The following ARHGAP6 variants were observed in gnomAD, a reference collection of about 807,000 sequenced individuals.
ARHGAP6 encodes rho GTPase-activating protein 6.
In ARHGAP6, 16 loss-of-function variants were observed where a neutral mutation model predicts 55.7. The ratio of observed to expected loss-of-function variants is 0.29; its 90% confidence interval spans 0.19 to 0.44. ARHGAP6 has a LOEUF of 0.44. ARHGAP6 is among the 20% of genes least tolerant of loss of function. The probability of loss-of-function intolerance (pLI) is 1.00; values close to 1 mark genes in which losing one functional copy is unlikely to be tolerated. For synonymous variants in ARHGAP6, 382 were observed against 360.9 expected (o/e 1.06, Z -0.66); for missense variants, 698 against 808.9 (o/e 0.86, Z 1.66).
intron 1 of ARHGAP6, among the ~76,000 whole-genome samples, chrX:11,336,449 A>G (rs2048638670): frequency 9.0e-6 from 1 of 111,716 alleles, no homozygotes; most frequent in Non-Finnish European, 1.9e-5. Context: ...ACTGAGCATG[A>G]AGGATAATAA....
chrX:11,254,717 A>C lies in ARHGAP6; in HGVS notation c.589-10T>G, dbSNP rs2047470007. 5 of 106,378 alleles carry C rather than the reference A, an allele frequency of 4.7e-5. No individual in the cohort carries two copies. Among genetic ancestry groups the C allele is most frequent in the South Asian group, 3.3e-4 (1 of 3,052 alleles). The allele number at this position is 106,378 out of a possible 1,213,427, so 8.8% of individuals were successfully genotyped here. Reference sequence around the variant, plus strand: ...TCCAGGTGAAATCACCCTGTAGGCCAAAAAAAAAAAAAAAAAAAAAATCAA... The same window carrying C: ...TCCAGGTGAAATCACCCTGTAGGCCCAAAAAAAAAAAAAAAAAAAAATCAA... On this transcript the variant is annotated splice_polypyrimidine_tract_variant and intron_variant, in intron 1 of 12. Coordinates refer to ENST00000337414, the MANE Select transcript of ARHGAP6 (RefSeq NM_013427.3).
intron 1 of ARHGAP6, among the ~76,000 whole-genome samples, chrX:11,651,025 T>C (rs189373147): frequency 8.9e-6 from 1 of 112,468 alleles, no homozygotes; most frequent in Non-Finnish European, 1.9e-5. Context: ...CACTCTGATA[T>C]GATATGAAAA....
At chrX:11,160,178 G>A (rs1047187339) in intron 9 of ARHGAP6, among the ~76,000 whole-genome samples, 1 of 110,179 alleles carries the variant, frequency 9.1e-6, no homozygotes, top group Non-Finnish European at 1.9e-5. Flanking sequence ...GGCTGGGTGC[G>A]GTGGCTCACG....
At chrX:11,378,747 G>C (rs1405050995) in intron 1 of ARHGAP6, among the ~76,000 whole-genome samples, 1 of 112,402 alleles carries the variant, frequency 8.9e-6, no homozygotes, top group Non-Finnish European at 1.9e-5. Context: ...CCTGGCACCA[G>C]ATTATTTCTA....
At chrX:11,281,084 A>T (rs2047848939) in intron 1 of ARHGAP6, among the ~76,000 whole-genome samples, 1 of 112,251 alleles carries the variant, frequency 8.9e-6, no homozygotes, top group Non-Finnish European at 1.9e-5. Context: ...CAGTAATGGG[A>T]ATGAAAAAAC....
rs1413898845 is a variant in ARHGAP6, at chrX:11,346,800, TAAAA to T, written c.589-92097_589-92094del. Among the ~76,000 whole-genome samples the T allele has an allele frequency of 4.6e-5, 5 of 109,344 alleles. No homozygotes were observed. The Admixed American group carries it at 4.8e-4, about 11-fold the overall frequency. 95.0% of individuals were successfully genotyped at this position (109,344 alleles called of 115,157 possible). A position where few individuals can be genotyped will look rare whatever the true frequency, so the allele number is the denominator to read the frequency against. ...AAGATTTAATAACAAGTGGACAAAA[TAAAA>T]AATAATATTTCTCAATGACTTTTAT... On this transcript the variant is annotated intron_variant, in intron 1 of 12. Coordinates refer to ENST00000337414, the MANE Select transcript of ARHGAP6 (RefSeq NM_013427.3).
At chrX:11,374,507 T>C (rs978455590) in intron 1 of ARHGAP6, among the ~76,000 whole-genome samples, 11 of 112,517 alleles carry the variant, frequency 9.8e-5, no homozygotes, top group African/African-American at 2.9e-4. Flanking sequence ...GTTAGCTTTT[T>C]AAAATTTATC....
At position 11,531,108 on chromosome X, in the gene ARHGAP6, C is replaced by A. The variant is rs191535217; in HGVS notation, c.588+133133G>T. Among the ~76,000 whole-genome samples, 3 of 111,424 alleles carry A rather than the reference C, an allele frequency of 2.7e-5. No homozygotes were observed. The Admixed American group carries it at 2.9e-4, about 11-fold the overall frequency. ...TATATTCATACAGGGCTTTCACAAA[C>A]AATATTCATTAATTATCTGCCATCC... On this transcript the variant is annotated intron_variant, in intron 1 of 12. Coordinates refer to ENST00000337414, the MANE Select transcript of ARHGAP6 (RefSeq NM_013427.3).
intron 1 of ARHGAP6, among the ~76,000 whole-genome samples, chrX:11,465,077 A>G (rs1462066543): frequency 3.6e-5 from 4 of 112,141 alleles, no homozygotes; most frequent in Non-Finnish European, 7.5e-5. Context: ...ATAACTGCCC[A>G]TGCCATTACA....
intron 2 of ARHGAP6, among the ~76,000 whole-genome samples, chrX:11,244,550 TA>T (rs1246762051): frequency 8.9e-6 from 1 of 112,116 alleles, no homozygotes; most frequent in East Asian, 2.8e-4. Flanking sequence ...GCTGATTGGT[TA>T]AAAAATACAC....
chrX:11,433,270 C>T lies in ARHGAP6; in HGVS notation c.589-178563G>A, dbSNP rs73500836. On this transcript the variant is annotated intron_variant, in intron 1 of 12. Coordinates refer to ENST00000337414, the MANE Select transcript of ARHGAP6 (RefSeq NM_013427.3). Reference sequence around the variant, plus strand: ...AATTGGAGTCGAGAATATGATAATCCGAGAATTCAGGGAAAGAAAACAAGT... The same window carrying T: ...AATTGGAGTCGAGAATATGATAATCTGAGAATTCAGGGAAAGAAAACAAGT... Among the ~76,000 whole-genome samples, 734 of 111,827 alleles carry T rather than the reference C, an allele frequency of 6.6e-3. 6 individuals are homozygous for T. Among genetic ancestry groups the T allele is most frequent in the African/African-American group, 0.022 (692 of 30,803 alleles).
chrX:11,602,683 T>C (rs1221713867), intron 1 of ARHGAP6, among the ~76,000 whole-genome samples: 1 of 112,903 alleles, frequency 8.9e-6, no homozygotes, highest in Non-Finnish European at 1.9e-5. Flanking sequence ...CAGTGGGTAT[T>C]GTCCAGTTGA....
intron 1 of ARHGAP6, chrX:11,296,956 C>G (rs759971590): frequency 1.2e-5 from 11 of 926,452 alleles, no homozygotes; most frequent in Middle Eastern, 2.7e-4. Context: ...TTCCTACCAC[C>G]AGCTTCCCAG....
chrX:11,592,011 C>T (rs1268709265), intron 1 of ARHGAP6, among the ~76,000 whole-genome samples: 1 of 111,354 alleles, frequency 9.0e-6, no homozygotes, highest in African/African-American at 3.3e-5. Flanking sequence ...AGATGAAGAA[C>T]TGTGTGAAAG....
intron 1 of ARHGAP6, chrX:11,427,489 C>T (rs771442106): frequency 1.3e-4 from 117 of 927,656 alleles, no homozygotes; most frequent in Middle Eastern, 7.3e-4. Flanking sequence ...CCTCGCAGTC[C>T]CCACCCGGAG....
intron 10 of ARHGAP6, among the ~76,000 whole-genome samples, chrX:11,150,958 A>C (rs1159337088): frequency 8.9e-6 from 1 of 112,041 alleles, no homozygotes; most frequent in African/African-American, 3.2e-5. Context: ...TTACATTGCA[A>C]TATAATCAAT....
intron 7 of ARHGAP6, among the ~76,000 whole-genome samples, chrX:11,178,887 C>A (rs1027095598): frequency 1.8e-5 from 2 of 111,632 alleles, no homozygotes; most frequent in Non-Finnish European, 1.9e-5. Flanking sequence ...AAAGCCCTGG[C>A]ACTGGGCTAT....
chrX:11,286,722 A>T (rs749398662), intron 1 of ARHGAP6, among the ~76,000 whole-genome samples: 32 of 112,321 alleles, frequency 2.8e-4, no homozygotes, highest in African/African-American at 1.0e-3. Flanking sequence ...ATGCTGCTAA[A>T]CATCCCTCAG....
chrX:11,308,585 C>T (rs1398196412), intron 1 of ARHGAP6, among the ~76,000 whole-genome samples: 1 of 111,014 alleles, frequency 9.0e-6, no homozygotes, highest in East Asian at 2.8e-4. Flanking sequence ...TGCCCTTGTC[C>T]CCAGTCGTCA....
Sources: allele counts gnomAD v4.1 joint callset (sites outside exome capture counted in the v4.1 genomes callset), GRCh38; gene constraint gnomAD v4.1.1; transcripts MANE v1.5; gene names NCBI Gene and HGNC (gene_info 2026-07-23, HGNC 2026-07-21).